The following SCHIP1 variants were observed in gnomAD, a reference collection of about 807,000 sequenced individuals.
SCHIP1 encodes schwannomin interacting protein 1.
SCHIP1 carries 8 observed loss-of-function variants against 29.7 expected under a neutral mutation model. The observed-to-expected ratio is 0.27, with a 90% CI of 0.16 to 0.49. SCHIP1 has a LOEUF of 0.49. Among genes scored for constraint, SCHIP1 ranks in the 20% least tolerant of loss-of-function variants. The pLI is 0.99. For synonymous variants in SCHIP1, 76 were observed against 94.9 expected (o/e 0.80, Z 1.16); for missense variants, 193 against 294.6 (o/e 0.66, Z 2.52).
the SCHIP1 span, among the ~76,000 whole-genome samples, chr3:159,346,186 T>C: frequency 7.4e-6 from 1 of 135,510 alleles, no homozygotes; most frequent in African/African-American, 2.8e-5. Flanking sequence ...AGACTCTGTC[T>C]CAGAAAAAAA....
chr3:159,873,358 T>C (rs1405655001), intron 2 of SCHIP1, among the ~76,000 whole-genome samples: 1 of 152,246 alleles, frequency 6.6e-6, no homozygotes, highest in African/African-American at 2.4e-5. Context: ...CTGTAGAAAC[T>C]AACTCCATGC....
the SCHIP1 span, among the ~76,000 whole-genome samples, chr3:159,711,898 C>A: frequency 6.6e-6 from 1 of 152,102 alleles, no homozygotes; most frequent in South Asian, 2.1e-4. Flanking sequence ...TAAGCTTCCC[C>A]CTGAACCGTT....
At chr3:159,472,569 A>T in the SCHIP1 span, among the ~76,000 whole-genome samples, 1 of 152,152 alleles carries the variant, frequency 6.6e-6, no homozygotes, top group Non-Finnish European at 1.5e-5. Flanking sequence ...TGTTACTACA[A>T]CCTGTGACTT....
the SCHIP1 span, among the ~76,000 whole-genome samples, chr3:159,615,496 C>T: frequency 1.3e-5 from 2 of 152,218 alleles, no homozygotes; most frequent in East Asian, 1.9e-4. Flanking sequence ...GAGAGAGCTA[C>T]AGTTGGCCTA....
the SCHIP1 span, among the ~76,000 whole-genome samples, chr3:159,343,800 C>T: frequency 1.3e-5 from 2 of 152,170 alleles, no homozygotes; most frequent in East Asian, 3.8e-4. Flanking sequence ...CAATATTGCA[C>T]ATGCTTAATC....
the SCHIP1 span, among the ~76,000 whole-genome samples, chr3:159,443,090 G>C: frequency 4.6e-5 from 7 of 152,154 alleles, no homozygotes; most frequent in African/African-American, 1.7e-4. Context: ...AATACATTCA[G>C]AGTAATTTTC....
chr3:159,815,073 C>T, the SCHIP1 span, among the ~76,000 whole-genome samples: 2 of 152,170 alleles, frequency 1.3e-5, no homozygotes, highest in African/African-American at 4.8e-5. Context: ...GCTGCGGACA[C>T]CCTCCATGGA....
At chr3:159,654,577 G>A in the SCHIP1 span, among the ~76,000 whole-genome samples, 1 of 151,994 alleles carries the variant, frequency 6.6e-6, no homozygotes, top group Non-Finnish European at 1.5e-5. Flanking sequence ...TATGTCTGGT[G>A]CCTATAATTT....
At chr3:159,567,275 C>T in the SCHIP1 span, among the ~76,000 whole-genome samples, 1 of 152,140 alleles carries the variant, frequency 6.6e-6, no homozygotes, top group Non-Finnish European at 1.5e-5. Context: ...ATTCTTCAAG[C>T]TTGTGACTTG....
chr3:159,369,467 A>G, the SCHIP1 span, among the ~76,000 whole-genome samples: 51 of 152,276 alleles, frequency 3.3e-4, no homozygotes, highest in Admixed American at 3.3e-3. Context: ...GAGATATGCA[A>G]TCAACATTAT....
chr3:159,583,545 G>C, the SCHIP1 span, among the ~76,000 whole-genome samples: 1 of 152,150 alleles, frequency 6.6e-6, no homozygotes, highest in African/African-American at 2.4e-5. Context: ...TTTGACTTCA[G>C]CTGGAAAAGG....
the SCHIP1 span, among the ~76,000 whole-genome samples, chr3:159,494,983 T>C: frequency 2.0e-5 from 3 of 152,186 alleles, no homozygotes; most frequent in Admixed American, 1.3e-4. Context: ...ATCCAGCATA[T>C]AAACAGAACC....
At chr3:159,414,200 C>G in the SCHIP1 span, among the ~76,000 whole-genome samples, 14 of 152,112 alleles carry the variant, frequency 9.2e-5, no homozygotes, top group Admixed American at 9.2e-4. Flanking sequence ...GAAAATTAGC[C>G]TATTTCAGAA....
the SCHIP1 span, among the ~76,000 whole-genome samples, chr3:159,578,596 C>T: frequency 6.6e-6 from 1 of 152,098 alleles, no homozygotes; most frequent in Non-Finnish European, 1.5e-5. Flanking sequence ...ATCAGAAATC[C>T]TAACATCAAG....
At chr3:159,594,495 A>G in the SCHIP1 span, among the ~76,000 whole-genome samples, 2 of 152,076 alleles carry the variant, frequency 1.3e-5, no homozygotes, top group Non-Finnish European at 2.9e-5. Context: ...AGCCACAGTG[A>G]CTCCTAAATT....
the SCHIP1 span, among the ~76,000 whole-genome samples, chr3:159,642,462 C>A: frequency 6.6e-6 from 1 of 152,066 alleles, no homozygotes; most frequent in Non-Finnish European, 1.5e-5. Flanking sequence ...TCAGCTACAT[C>A]CTCCTGTGGC....
the SCHIP1 span, among the ~76,000 whole-genome samples, chr3:159,307,707 T>A: frequency 6.6e-6 from 1 of 152,090 alleles, no homozygotes; most frequent in Admixed American, 6.6e-5. Flanking sequence ...TAGTTTGAGG[T>A]CTTGTATTTA....
At chr3:159,641,010 AT>A in the SCHIP1 span, among the ~76,000 whole-genome samples, 1 of 152,172 alleles carries the variant, frequency 6.6e-6, no homozygotes, top group African/African-American at 2.4e-5. Flanking sequence ...TGGTCATTTC[AT>A]TTAATATCTA....
At chr3:159,886,451 G>A in intron 3 of SCHIP1, 127 bp downstream of exon 4, 3 of 774,232 alleles carry the variant, frequency 3.9e-6, no homozygotes, top group Non-Finnish European at 6.2e-6. Flanking sequence ...TCTTGGAATT[G>A]CATGCTCCTA....
Sources: gnomAD v4.1 joint callset for allele counts (sites outside exome capture counted in the v4.1 genomes callset) on GRCh38, gnomAD v4.1.1 for gene constraint, MANE v1.5 for transcripts, NCBI Gene and HGNC (gene_info 2026-07-23, HGNC 2026-07-21) for gene names.